The following TENM2 variants were observed in gnomAD, a reference collection of about 807,000 sequenced individuals.
The protein encoded by TENM2 is teneurin-2.
TENM2 carries 52 observed loss-of-function variants against 245.2 expected under a neutral mutation model. That is an observed-to-expected ratio of 0.21 (90% CI 0.17 to 0.27). The LOEUF is 0.27. Among genes scored for constraint, TENM2 ranks in the 10% least tolerant of loss-of-function variants. The pLI is 1.00. For synonymous variants in TENM2, 1,363 were observed against 1,438.9 expected, an observed-to-expected ratio of 0.95 and a Z score of 1.19; for missense variants, 3,046 against 3,666.8, an observed-to-expected ratio of 0.83 and a Z score of 4.37.
the TENM2 span, among the ~76,000 whole-genome samples, chr5:166,980,587 T>C: frequency 6.6e-6 from 1 of 152,216 alleles, no homozygotes; most frequent in Non-Finnish European, 1.5e-5. Flanking sequence ...TTTTTTCCTC[T>C]TAAGTTTTCA....
chr5:167,538,915 T>C (rs1286560132), intron 2 of TENM2, among the ~76,000 whole-genome samples: 1 of 152,216 alleles, frequency 6.6e-6, no homozygotes, highest in Non-Finnish European at 1.5e-5. Flanking sequence ...TGTTTAGTTC[T>C]GGTTCTTAAA....
chr5:168,103,032 TC>T (rs1009142050), intron 9 of TENM2, among the ~76,000 whole-genome samples: 12 of 122,554 alleles, frequency 9.8e-5, no homozygotes, highest in Non-Finnish European at 1.7e-5. Flanking sequence ...CCTCCCCGCC[TC>T]CCCCCACCCC....
chr5:168,133,814 A>T (rs936594275), intron 12 of TENM2, among the ~76,000 whole-genome samples: 14 of 152,204 alleles, frequency 9.2e-5, no homozygotes, highest in African/African-American at 3.4e-4. Flanking sequence ...CGTCTGCTTC[A>T]CTTGAATCCA....
At chr5:167,009,165 C>T in the TENM2 span, among the ~76,000 whole-genome samples, 2 of 151,206 alleles carry the variant, frequency 1.3e-5, no homozygotes, top group Admixed American at 6.6e-5. Flanking sequence ...TGTGTCATAT[C>T]GTTTATATTG....
intron 3 of TENM2, among the ~76,000 whole-genome samples, chr5:167,899,696 A>G (rs1460321485): frequency 6.6e-6 from 1 of 152,166 alleles, no homozygotes; most frequent in East Asian, 1.9e-4. Flanking sequence ...TGGGAAAACC[A>G]GTAGGTGCCG....
At chr5:167,754,309 G>C (rs1378557333) in intron 2 of TENM2, among the ~76,000 whole-genome samples, 1 of 152,126 alleles carries the variant, frequency 6.6e-6, no homozygotes, top group African/African-American at 2.4e-5. Flanking sequence ...TTTCAAACTT[G>C]ATCAGATCTA....
the TENM2 span, among the ~76,000 whole-genome samples, chr5:167,126,991 A>AG: frequency 6.6e-6 from 1 of 151,886 alleles, no homozygotes; most frequent in East Asian, 1.9e-4. Flanking sequence ...TAAGCATAGA[A>AG]GTGAATTCAC....
intron 1 of TENM2, among the ~76,000 whole-genome samples, chr5:167,291,694 A>G (rs1296725643): frequency 6.6e-6 from 1 of 152,250 alleles, no homozygotes; most frequent in African/African-American, 2.4e-5. Context: ...GCTTGGAGAT[A>G]GCTTACAGTG....
chr5:167,490,520 T>C (rs899989226), intron 2 of TENM2, among the ~76,000 whole-genome samples: 24 of 152,128 alleles, frequency 1.6e-4, no homozygotes, highest in African/African-American at 5.3e-4. Context: ...GGATTTTTAT[T>C]GTATAATGCA....
At chr5:167,573,861 A>G (rs1325938612) in intron 2 of TENM2, 2 of 151,840 alleles carry the variant, frequency 1.3e-5, no homozygotes, top group African/African-American at 4.8e-5. Context: ...CACTTTCAAT[A>G]AGCATTTTCT....
intron 1 of TENM2, among the ~76,000 whole-genome samples, chr5:167,330,248 T>C (rs951188528): frequency 6.6e-6 from 1 of 152,186 alleles, no homozygotes; most frequent in African/African-American, 2.4e-5. Flanking sequence ...CAGCCTTGTG[T>C]CCATCAAATC....
At chr5:167,495,616 G>T (rs1768764247) in intron 2 of TENM2, among the ~76,000 whole-genome samples, 1 of 152,034 alleles carries the variant, frequency 6.6e-6, no homozygotes, top group Middle Eastern at 3.2e-3. Context: ...TACTATAGTG[G>T]TGTCTTGATT....
rs1045398339 is a variant in TENM2, at chr5:167,541,675, T to C, written c.502+166202T>C. On this transcript the variant is annotated intron_variant, in intron 2 of 28. Transcript: ENST00000518659. Reference sequence around the variant, plus strand: ...CTTTGGAGACAAGACCAAAAACTACTGAAGGGGTTTAAAGTGAGGTTTAAA... The same window carrying C: ...CTTTGGAGACAAGACCAAAAACTACCGAAGGGGTTTAAAGTGAGGTTTAAA... Among the ~76,000 whole-genome samples, 13 of 152,278 alleles carry C rather than the reference T, an allele frequency of 8.5e-5. 1 individual carries two copies. The highest frequency in any genetic ancestry group is 6.8e-3 in the Middle Eastern group (2 of 294).
chr5:167,905,492 A>C (rs913033859), intron 3 of TENM2, among the ~76,000 whole-genome samples: 8 of 152,220 alleles, frequency 5.3e-5, no homozygotes, highest in Non-Finnish European at 1.0e-4. Context: ...CAATGAGAGC[A>C]TCTGGCTTAA....
At chr5:168,058,919 A>G (rs1161405127) in intron 6 of TENM2, among the ~76,000 whole-genome samples, 1 of 152,022 alleles carries the variant, frequency 6.6e-6, no homozygotes, top group African/African-American at 2.4e-5. Flanking sequence ...TTCCCATTTT[A>G]CAAAAAAAAA....
chr5:167,599,637 C>A (rs1313823912), intron 2 of TENM2, among the ~76,000 whole-genome samples: 1 of 151,988 alleles, frequency 6.6e-6, no homozygotes, highest in Non-Finnish European at 1.5e-5. Flanking sequence ...TTATTTAATG[C>A]CATTTTTAGC....
At chr5:167,298,325 C>T (rs1047785136) in intron 1 of TENM2, among the ~76,000 whole-genome samples, 7 of 152,094 alleles carry the variant, frequency 4.6e-5, no homozygotes, top group South Asian at 2.1e-4. Flanking sequence ...TAAATGGGGC[C>T]GGGTGCGGTG....
the TENM2 span, among the ~76,000 whole-genome samples, chr5:167,160,060 T>C: frequency 1.3e-5 from 2 of 152,092 alleles, no homozygotes; most frequent in African/African-American, 4.8e-5. Flanking sequence ...GAGCAGGGAG[T>C]TCTATTTTGG....
At chr5:167,148,182 G>T in the TENM2 span, among the ~76,000 whole-genome samples, 1 of 152,164 alleles carries the variant, frequency 6.6e-6, no homozygotes, top group Non-Finnish European at 1.5e-5. Flanking sequence ...AACCCCTGTG[G>T]CTCACCCTGC....
Sources: allele counts gnomAD v4.1 joint callset (sites outside exome capture counted in the v4.1 genomes callset), GRCh38; gene constraint gnomAD v4.1.1; transcripts MANE v1.5; gene names NCBI Gene and HGNC (gene_info 2026-07-23, HGNC 2026-07-21).